Variants in AFG2B observed in about 807,000 individuals in gnomAD.
AFG2B encodes the protein AAA ATPase AFG2B, also known as ATPase family gene 2 protein homolog B.
chr15:45,415,013 T>A, the AFG2B span, among the ~76,000 whole-genome samples: 1 of 152,166 alleles, frequency 6.6e-6, no homozygotes, highest in Non-Finnish European at 1.5e-5. Context: ...TTAAATAAAA[T>A]CAAAGGTAGG....
At chr15:45,404,807 CAAAAAAAAAAA>C in the AFG2B span, among the ~76,000 whole-genome samples, 2 of 93,952 alleles carry the variant, frequency 2.1e-5, no homozygotes, top group Non-Finnish European at 5.1e-5. Flanking sequence ...AACTGTGTCT[CAAAAAAAAAAA>C]AAAAAGAAAA....
the AFG2B span, chr15:45,403,080 C>A: frequency 1.3e-6 from 2 of 1,529,460 alleles, no homozygotes; most frequent in East Asian, 2.5e-5. Context: ...AGCTCCTCCG[C>A]CTCCCGCTCC....
chr15:45,406,459 C>G, the AFG2B span, among the ~76,000 whole-genome samples: 2 of 152,258 alleles, frequency 1.3e-5, no homozygotes, highest in East Asian at 3.9e-4. Flanking sequence ...ATAAGCTTTT[C>G]TAACCTAGGA....
At chr15:45,407,416 A>G in the AFG2B span, among the ~76,000 whole-genome samples, 1 of 152,244 alleles carries the variant, frequency 6.6e-6, no homozygotes, top group African/African-American at 2.4e-5. Context: ...CCAAAGAATC[A>G]AGTAAAATAA....
the AFG2B span, chr15:45,417,121 G>T: frequency 1.2e-6 from 1 of 865,904 alleles, no homozygotes; most frequent in Non-Finnish European, 1.7e-6. Context: ...TTGATATCAA[G>T]AAGCTGGTCT....
At chr15:45,410,225 CT>C in the AFG2B span, 2 of 813,856 alleles carry the variant, frequency 2.5e-6, no homozygotes, top group Admixed American at 2.9e-5. Flanking sequence ...ACATTTAATT[CT>C]TTGTACTATG....
chr15:45,421,261 C>A, the AFG2B span: 6 of 1,300,374 alleles, frequency 4.6e-6, no homozygotes, highest in African/African-American at 1.5e-5. Context: ...TGTGAACTTG[C>A]CTGTCGTTTG....
chr15:45,409,258 T>A, the AFG2B span, among the ~76,000 whole-genome samples: 1 of 150,068 alleles, frequency 6.7e-6, no homozygotes, highest in Non-Finnish European at 1.5e-5. Flanking sequence ...TGCCTATAAA[T>A]CCCAGCTACT....
At chr15:45,410,450 G>A in the AFG2B span, 27 of 1,613,650 alleles carry the variant, frequency 1.7e-5, no homozygotes, top group East Asian at 4.5e-5. Context: ...GTTTCGAAGC[G>A]TCATTGGATT....
chr15:45,414,640 C>G, the AFG2B span: 1 of 1,614,086 alleles, frequency 6.2e-7, no homozygotes, highest in Non-Finnish European at 8.5e-7. Context: ...AAAGGGAGTT[C>G]TCCTCTATGG....
At chr15:45,403,467 G>T in the AFG2B span, 1 of 1,608,782 alleles carries the variant, frequency 6.2e-7, no homozygotes. Context: ...CCACTAACCG[G>T]CCGGACGCTC....
chr15:45,415,538 T>G, the AFG2B span: 1 of 1,423,232 alleles, frequency 7.0e-7, no homozygotes, highest in Non-Finnish European at 9.7e-7. Context: ...TAATATCACA[T>G]GACTAATGTA....
At chr15:45,402,430 A>T in the AFG2B span, 5 of 1,600,832 alleles carry the variant, frequency 3.1e-6, no homozygotes, top group Admixed American at 8.7e-5. Context: ...TCTGTGTGCG[A>T]TGGCTCCGGA....
chr15:45,408,007 C>T, the AFG2B span, among the ~76,000 whole-genome samples: 2,551 of 152,164 alleles, frequency 0.017, 67 homozygotes, highest in African/African-American at 0.057. Flanking sequence ...GGTGGCAAAA[C>T]AATACTATAA....
the AFG2B span, among the ~76,000 whole-genome samples, chr15:45,412,749 A>G: frequency 6.6e-6 from 1 of 152,230 alleles, no homozygotes; most frequent in Non-Finnish European, 1.5e-5. Context: ...GATGCAGTAC[A>G]GGGACTGGTA....
chr15:45,403,508 T>C, the AFG2B span: 1 of 1,602,912 alleles, frequency 6.2e-7, no homozygotes, highest in Non-Finnish European at 8.5e-7. Context: ...CCCGGGAGAT[T>C]TGACCGAGAG....
the AFG2B span, among the ~76,000 whole-genome samples, chr15:45,408,972 G>A: frequency 2.6e-5 from 4 of 152,138 alleles, no homozygotes; most frequent in East Asian, 1.9e-4. Flanking sequence ...CAAGACGGGC[G>A]ATTTTTTTAA....
chr15:45,402,629 G>C, the AFG2B span: 1 of 1,577,698 alleles, frequency 6.3e-7, no homozygotes, highest in South Asian at 1.1e-5. Context: ...CGGCGGGACG[G>C]AGCGGACGGC....
At chr15:45,413,908 A>G in the AFG2B span, among the ~76,000 whole-genome samples, 1 of 152,052 alleles carries the variant, frequency 6.6e-6, no homozygotes, top group Non-Finnish European at 1.5e-5. Context: ...GTGGTTAAAA[A>G]CCATTTACCT....
Sources: allele counts gnomAD v4.1 joint callset (sites outside exome capture counted in the v4.1 genomes callset), GRCh38; gene constraint gnomAD v4.1.1; transcripts MANE v1.5; gene names NCBI Gene and HGNC (gene_info 2026-07-23, HGNC 2026-07-21).